Variants in CFAP99 observed in about 807,000 individuals in gnomAD.
CFAP99 encodes cilia- and flagella-associated protein 99.
Under a neutral mutation model 82.7 loss-of-function variants are expected in CFAP99, and 84 were observed. The observed-to-expected ratio is 1.02, with a 90% CI of 0.85 to 1.22. The LOEUF is 1.22. CFAP99 is among the 50% of genes most tolerant of loss of function. The pLI is 0.00. For missense variants in CFAP99, 1,059 were observed against 983.5 expected, an observed-to-expected ratio of 1.08 and a Z score of -1.03; for synonymous variants, 456 against 429.5, an observed-to-expected ratio of 1.06 and a Z score of -0.76.
chr4:2,420,498 A>G (rs2108704664), intron 1 of CFAP99, among the ~76,000 whole-genome samples: 1 of 152,210 alleles, frequency 6.6e-6, no homozygotes, highest in East Asian at 1.9e-4. Flanking sequence ...CACTGAGTGA[A>G]TGGCTGTTCT....
rs1734639038 is a variant in CFAP99 at position 2,462,312 on chromosome 4, C to G, written c.1662-131C>G. On this transcript the variant is annotated intron_variant, in intron 14 of 14. Transcript: ENST00000635017. This position sits in a 1 kb window ranked among gnomAD's most constrained non-coding sequence, Gnocchi z 4.1. ...CGGCCCCTGGGCCTCGCTGTCTGTC[C>G]TAAATCATTCCGGTGAACCTCTCCG... 9 of 942,448 alleles carry G rather than the reference C, an allele frequency of 9.5e-6. No individual in the cohort carries two copies. In the Admixed American group the frequency reaches 1.3e-4, roughly 13 times the overall value. The allele number at this position is 942,448 out of a possible 1,614,324, so 58.4% of individuals were successfully genotyped here.
Position 2,462,840 on chromosome 4 carries a change from C to T in CFAP99, c.2059C>T (p.Leu687=). ...GCTAGAGGCGCAGCACTGGCTGGAG[C>T]TGGAGCGGAGCCGCGAGCGCAGGCT... Residue 687 remains leucine (L), a synonymous_variant, in exon 15 of 15, where the codon CTG becomes TTG. Transcript: ENST00000635017. This position sits in a 1 kb window ranked among gnomAD's most constrained non-coding sequence, Gnocchi z 4.1. 7.2e-7 allele frequency: 1 copy of T among 1,391,866 alleles called. No homozygotes were observed. Among genetic ancestry groups the T allele is most frequent in the Non-Finnish European group, 9.3e-7 (1 of 1,072,482 alleles). The allele number at this position is 1,391,866 out of a possible 1,614,324, so 86.2% of individuals were successfully genotyped here.
chr4:2,449,703 C>A (rs1183359514), exon 7 of CFAP99: 2 of 1,536,164 alleles, frequency 1.3e-6, no homozygotes, highest in Admixed American at 3.9e-5. Flanking sequence ...ACCCAAGGAG[C>A]AGCAGCAGCT....
chr4:2,454,594 G>GTTTTTTTTTTTTTTTTGTTTTT (rs1204498727), intron 11 of CFAP99, among the ~76,000 whole-genome samples: 1 of 84,538 alleles, frequency 1.2e-5, no homozygotes, highest in Non-Finnish European at 2.5e-5. Flanking sequence ...TTTTTTTTTT[G>GTTTTTTTTTTTTTTTTGTTTTT]TTTTTTTTTT....
At chr4:2,451,154 G>C in intron 9 of CFAP99, 110 bp from the exon 10 acceptor site, 3 of 1,453,150 alleles carry the variant, frequency 2.1e-6, no homozygotes, top group Non-Finnish European at 1.9e-6. Flanking sequence ...TGGGGGATAG[G>C]GAAGCACCTG....
At chr4:2,451,180 T>C in intron 9 of CFAP99, 84 bp from the exon 10 acceptor site, 1 of 1,488,754 alleles carries the variant, frequency 6.7e-7, no homozygotes. Flanking sequence ...GGGGCAGGTG[T>C]GACGGGCATG....
In CFAP99 at chr4:2,448,613, C is replaced by T. The variant is rs1391478283; in HGVS notation, c.643-1057C>T. ...AGTAAAAAACCAGAAGTGAGCAAGT[C>T]GGCCATGGGGTGTCTCAGAGAACAG... is the stretch of plus-strand genomic sequence containing the variant. On this transcript the variant is annotated intron_variant, in intron 6 of 14. Coordinates refer to ENST00000635017, the Ensembl canonical transcript of CFAP99. This position sits in a 1 kb window ranked among gnomAD's most constrained non-coding sequence, Gnocchi z 5.2. Among the ~76,000 whole-genome samples the T allele has an allele frequency of 2.6e-5, 4 of 152,240 alleles. No individual in the cohort carries two copies. The highest frequency in any genetic ancestry group is 5.9e-5 in the Non-Finnish European group (4 of 68,034).
exon 14 of CFAP99, chr4:2,460,117 G>A: frequency 6.5e-7 from 1 of 1,536,132 alleles, no homozygotes; most frequent in Non-Finnish European, 8.7e-7. Context: ...AGAATCAGCG[G>A]CGCAAGGAGG....
At chr4:2,445,025 A>C in intron 5 of CFAP99, 106 bp from the exon 6 acceptor site, 1 of 789,916 alleles carries the variant, frequency 1.3e-6, no homozygotes, top group East Asian at 3.4e-5. Flanking sequence ...CCTCCACCCC[A>C]AGGTGGACCC....
chr4:2,456,926 T>C (rs1165760138), intron 11 of CFAP99, among the ~76,000 whole-genome samples: 1 of 151,522 alleles, frequency 6.6e-6, no homozygotes, highest in East Asian at 1.9e-4. Context: ...GTTTTGGATG[T>C]CATGGGTAAT....
chr4:2,462,940 C>T lies in CFAP99; in HGVS notation c.*14C>T, dbSNP rs1734669137. ...GAGGCCGCCTGAGCCGGGCCGAGCG[C>T]GCCCCACCCGCTTGCGGGCCACCCC... On this transcript the variant is annotated 3_prime_UTR_variant, in exon 15 of 15. Coordinates refer to ENST00000635017, the Ensembl canonical transcript of CFAP99. The surrounding 1 kb of genome is among the most constrained non-coding windows in gnomAD (Gnocchi z 4.1). The T allele has an allele frequency of 7.9e-7, 1 of 1,263,758 alleles. No homozygotes were observed. The highest frequency in any genetic ancestry group is 9.9e-7 in the Non-Finnish European group (1 of 1,005,070). 78.3% of individuals were successfully genotyped at this position (1,263,758 alleles called of 1,614,324 possible).
intron 11 of CFAP99, among the ~76,000 whole-genome samples, chr4:2,453,935 T>C (rs10001516): frequency 2.0e-5 from 3 of 151,500 alleles, no homozygotes; most frequent in Non-Finnish European, 4.4e-5. Context: ...TGCCTCAGTC[T>C]CCTGAGTAGC....
chr4:2,433,461 G>T (rs1733841840), intron 2 of CFAP99, among the ~76,000 whole-genome samples: 2 of 151,990 alleles, frequency 1.3e-5, no homozygotes. Flanking sequence ...TGTGGGTACA[G>T]CCTGGCAACT....
intron 7 of CFAP99, 46 bp from the exon 8 acceptor site, chr4:2,449,888 C>T: frequency 6.5e-7 from 1 of 1,534,950 alleles, no homozygotes; most frequent in Non-Finnish European, 8.7e-7. Flanking sequence ...CTGGAGGACA[C>T]TGGGCAGAGG....
At chr4:2,452,574 A>G (rs1484321987) in intron 11 of CFAP99, among the ~76,000 whole-genome samples, 1 of 152,020 alleles carries the variant, frequency 6.6e-6, no homozygotes, top group Non-Finnish European at 1.5e-5. Context: ...TGGGCCTCAC[A>G]GTGGCCTGGA....
At position 2,426,411 on chromosome 4, in the gene CFAP99, G is replaced by A. The variant is rs1469550713; in HGVS notation, c.-17-48G>A. 3.7e-5 allele frequency: 44 copies of A among 1,203,258 alleles called. No homozygotes were observed. In the East Asian group the frequency reaches 8.7e-4, roughly 24 times the overall value. 74.5% of individuals were successfully genotyped at this position (1,203,258 alleles called of 1,614,324 possible). The stretch of plus-strand genomic sequence containing the variant: ...CTGTCGCTGCTGGGGAGGGTCCTGC[G>A]GCTACATCCCAGGTGTGGAGGGCGT... On this transcript the variant is annotated intron_variant, in intron 1 of 14. Transcript: ENST00000635017.
intron 11 of CFAP99, among the ~76,000 whole-genome samples, chr4:2,454,483 A>T (rs1734375335): frequency 6.6e-6 from 1 of 151,894 alleles, no homozygotes; most frequent in African/African-American, 2.4e-5. Context: ...TGGCTAAATC[A>T]AGCTAATTAA....
chr4:2,458,716 T>C lies in CFAP99; in HGVS notation c.1162-7T>C. 1 of 1,531,646 alleles carries C rather than the reference T, an allele frequency of 6.5e-7. No individual in the cohort carries two copies. Among genetic ancestry groups the C allele is most frequent in the East Asian group, 2.4e-5 (1 of 40,878 alleles). 94.9% of individuals were successfully genotyped at this position (1,531,646 alleles called of 1,614,324 possible). On this transcript the variant is annotated splice_polypyrimidine_tract_variant and splice_region_variant and intron_variant, in intron 11 of 14. Coordinates refer to ENST00000635017, the Ensembl canonical transcript of CFAP99. ...CACTCACCGTGGCAGGTCCGCTGTC[T>C]GGGCAGATGGCCAAGCTGATGCTGC...
intron 8 of CFAP99, 45 bp from the exon 9 acceptor site, chr4:2,450,902 G>C (rs1327554569): frequency 2.0e-6 from 3 of 1,498,052 alleles, no homozygotes; most frequent in Middle Eastern, 1.7e-4. Flanking sequence ...GGGGCACCCA[G>C]CAGGCACAGG....
Sources: allele counts gnomAD v4.1 joint callset (sites outside exome capture counted in the v4.1 genomes callset), GRCh38; gene constraint gnomAD v4.1.1; non-coding constraint Gnocchi (gnomAD v3.1); transcripts MANE v1.5; gene names NCBI Gene and HGNC (gene_info 2026-07-23, HGNC 2026-07-21).